Variants in CTBP1 observed in about 807,000 individuals in gnomAD.
The protein encoded by CTBP1 is C-terminal-binding protein 1.
In CTBP1, 11 loss-of-function variants were observed where a neutral mutation model predicts 42.1. The ratio of observed to expected loss-of-function variants is 0.26; its 90% CI spans 0.16 to 0.43. The LOEUF (loss-of-function observed/expected upper bound fraction) is 0.43. CTBP1 is among the 20% of genes least tolerant of loss of function. The pLI is 1.00. For missense variants in CTBP1, 399 were observed against 624.3 expected (o/e 0.64, Z 3.85); for synonymous variants, 324 against 277.1 (o/e 1.17, Z -1.68).
chr4:1,218,098 A>C (rs1213266319), intron 5 of CTBP1: 1 of 152,192 alleles, frequency 6.6e-6, no homozygotes, highest in Non-Finnish European at 1.5e-5. Flanking sequence ...GCAGAGAGAA[A>C]AGAATTTAAA....
Position 1,212,319 on chromosome 4 carries a change from G to GGGGGGC in CTBP1, c.1210_1211insGCCCCC (p.Ala404delinsGlyProPro). 3.9e-6 allele frequency: 3 copies of GGGGGGC among 768,858 alleles called. No individual in the cohort carries two copies. The highest frequency in any genetic ancestry group is 5.9e-6 in the Non-Finnish European group (3 of 505,334). 47.6% of individuals were successfully genotyped at this position (768,858 alleles called of 1,614,324 possible). A position where few individuals can be genotyped will look rare whatever the true frequency, so the allele number is the denominator to read the frequency against. On this transcript the variant is annotated protein_altering_variant, in exon 10 of 10. Coordinates refer to ENST00000382952, the MANE Select transcript of CTBP1 (RefSeq NM_001012614.2). Reference sequence around the variant, plus strand: ...AGGAGAAGGGGCGTGGGGCGGGTGGGCCACAGGGGGCAGGCCGTGGGACAG... The same window carrying GGGGGGC: ...AGGAGAAGGGGCGTGGGGCGGGTGGGGGGGGCCCACAGGGGGCAGGCCGTGGGACAG...
At chr4:1,225,733 G>A (rs1184155259) in intron 4 of CTBP1, among the ~76,000 whole-genome samples, 167 bp from the exon 5 acceptor site, 1 of 152,140 alleles carries the variant, frequency 6.6e-6, no homozygotes, top group African/African-American at 2.4e-5. Context: ...TTGCTCACAG[G>A]TCGGGCGCAA....
chr4:1,233,501 A>T lies in CTBP1; in HGVS notation c.162+4682T>A, dbSNP rs1020640809. 6.6e-6 allele frequency among the ~76,000 whole-genome samples: 1 copy of T among 151,904 alleles called. No homozygotes were observed. The highest frequency in any genetic ancestry group is 2.4e-5 in the African/African-American group (1 of 41,366). On this transcript the variant is annotated intron_variant, in intron 3 of 9. Coordinates refer to ENST00000382952, the MANE Select transcript of CTBP1 (RefSeq NM_001012614.2). The surrounding 1 kb of genome is among the most constrained non-coding windows in gnomAD (Gnocchi z 4.6). The stretch of plus-strand genomic sequence containing the variant: ...CCTGCCGCTCCAGGCCCCGCAGCCC[A>T]CACCGGACGCAGCCTCCAGGCTCCA...
chr4:1,244,771 C>T (rs1432460582), intron 1 of CTBP1: 27 of 985,326 alleles, frequency 2.7e-5, no homozygotes, highest in South Asian at 9.4e-5. Flanking sequence ...GCTGCCCTGC[C>T]GTGAGTCCCC....
At position 1,214,608 on chromosome 4, in the gene CTBP1, C is replaced by G. The variant is rs1210931351; in HGVS notation, c.730-135G>C. The G allele has an allele frequency of 2.5e-6, 3 of 1,183,810 alleles. No homozygotes were observed. In the African/African-American group the frequency reaches 4.9e-5, roughly 19 times the overall value. The allele number at this position is 1,183,810 out of a possible 1,614,324, so 73.3% of individuals were successfully genotyped here. On this transcript the variant is annotated intron_variant, in intron 6 of 9. Coordinates refer to ENST00000382952, the MANE Select transcript of CTBP1 (RefSeq NM_001012614.2). ...CTTCCCAGCCCCACCCTGGGCTCAC[C>G]ACGGCGCTAGGACTGAAGGCCTCGG...
chr4:1,243,218 C>T (rs1028992634), intron 1 of CTBP1: 1 of 985,408 alleles, frequency 1.0e-6, no homozygotes, highest in South Asian at 4.7e-5. Context: ...CTGCTCAATG[C>T]TTATCTATAC....
chr4:1,227,128 T>C (rs1192133728), intron 4 of CTBP1, among the ~76,000 whole-genome samples: 2 of 152,122 alleles, frequency 1.3e-5, no homozygotes, highest in Non-Finnish European at 2.9e-5. Flanking sequence ...TGAGTGTCTG[T>C]ACATGGATGC....
intron 1 of CTBP1, among the ~76,000 whole-genome samples, chr4:1,246,094 G>A (rs1268404273): frequency 6.6e-6 from 1 of 152,202 alleles, no homozygotes; most frequent in Non-Finnish European, 1.5e-5. Context: ...AGGGGCTTCT[G>A]GAAACGATGG....
intron 1 of CTBP1, chr4:1,243,033 G>A (rs889551496): frequency 3.0e-6 from 3 of 985,172 alleles, no homozygotes; most frequent in South Asian, 4.7e-5. Context: ...CATTGATACG[G>A]GCCAATACTC....
At chr4:1,223,451 C>T (rs758939645) in intron 5 of CTBP1, 9 of 456,044 alleles carry the variant, frequency 2.0e-5, no homozygotes, top group South Asian at 1.1e-4. Context: ...CGAGACCACC[C>T]GAAACGTCCG....
intron 1 of CTBP1, among the ~76,000 whole-genome samples, chr4:1,248,322 G>A (rs901106145): frequency 3.3e-5 from 5 of 151,750 alleles, no homozygotes; most frequent in African/African-American, 4.8e-5. Context: ...GCTGCGCTTT[G>A]GGCCCGGTCT....
chr4:1,250,322 C>T (rs1383076059), upstream of CTBP1: 2 of 273,244 alleles, frequency 7.3e-6, no homozygotes, highest in South Asian at 3.7e-5. Flanking sequence ...ATCGGGCTGC[C>T]GAGCTGTGGC....
At chr4:1,226,880 C>T (rs759870095) in intron 4 of CTBP1, among the ~76,000 whole-genome samples, 20 of 151,878 alleles carry the variant, frequency 1.3e-4, no homozygotes, top group Middle Eastern at 6.8e-3. Context: ...GCATGGCTTC[C>T]GACACCACCT....
At position 1,212,312 on chromosome 4, in the gene CTBP1, C is replaced by T. The variant is rs369644553; in HGVS notation, c.1218G>A (p.Pro406=). The T allele has an allele frequency of 4.1e-5, 17 of 419,702 alleles. No homozygotes were observed. In the East Asian group the frequency reaches 5.9e-4, roughly 15 times the overall value. 26.0% of individuals were successfully genotyped at this position (419,702 alleles called of 1,614,324 possible). ...TTTGGCCAGGAGAAGGGGCGTGGGG[C>T]GGGTGGGCCACAGGGGGCAGGCCGT... ...LSHGLPPVAH[P]PHAPSPGQTV... The change falls in exon 10 of 10, where the codon CCG becomes CCA. Residue 406 remains proline (P), a synonymous_variant. Coordinates refer to ENST00000382952, the MANE Select transcript of CTBP1 (RefSeq NM_001012614.2).
chr4:1,243,037 A>AATACTCATTGATACCGGCTG lies in CTBP1; in HGVS notation c.-188-1538_-188-1519dup, dbSNP rs1331310159. ...CTGGCCAAACTCATTGATACGGGCC[A>AATACTCATTGATACCGGCTG]ATACTCATTGATACCGGCTGATACT... On this transcript the variant is annotated intron_variant, in intron 1 of 9. Transcript: ENST00000382952. 6.6e-5 allele frequency: 65 copies of AATACTCATTGATACCGGCTG among 985,414 alleles called. 2 individuals are homozygous for AATACTCATTGATACCGGCTG. In the Admixed American group the frequency reaches 3.9e-3, roughly 59 times the overall value. The allele number at this position is 985,414 out of a possible 1,614,324, so 61.0% of individuals were successfully genotyped here. A position where few individuals can be genotyped will look rare whatever the true frequency, so the allele number is the denominator to read the frequency against.
chr4:1,214,523 G>T (rs369539188), intron 6 of CTBP1, 50 bp from the exon 7 acceptor site: 26 of 1,512,478 alleles, frequency 1.7e-5, no homozygotes, highest in Non-Finnish European at 2.2e-5. Flanking sequence ...CGCACAGGGC[G>T]GGCAGCCAGG....
chr4:1,238,305 G>A lies in CTBP1; in HGVS notation c.40C>T (p.His14Tyr). The change falls in exon 3 of 10, where the codon CAC becomes TAC. Residue 14 changes from histidine (H) to tyrosine (Y), a missense_variant. This residue lies in a region of CTBP1 where 17 missense variants were observed against 18.7 expected (regional missense o/e 0.91). Transcript: ENST00000382952. The surrounding 1 kb of genome is among the most constrained non-coding windows in gnomAD (Gnocchi z 5.9). Reference protein sequence around the residue: ...VRPPIMNGPLHPRPLVALLDG... With the variant: ...VRPPIMNGPLYPRPLVALLDG... ...AGCAATGCCACCAGGGGCCGCGGGT[G>A]CAGGGGCCCGTTCATGATCGGAGGT... The A allele has an allele frequency of 6.3e-7, 1 of 1,590,112 alleles. No individual in the cohort carries two copies. Among genetic ancestry groups the A allele is most frequent in the Non-Finnish European group, 8.6e-7 (1 of 1,164,110 alleles).
At chr4:1,234,344 G>A (rs754470521) in intron 3 of CTBP1, among the ~76,000 whole-genome samples, 2 of 152,248 alleles carry the variant, frequency 1.3e-5, no homozygotes, top group East Asian at 1.9e-4. Flanking sequence ...TTTCTGTGGC[G>A]CCGGCTCTGC....
chr4:1,211,975 C>A lies in CTBP1; in HGVS notation c.*265G>T. 2 of 317,348 alleles carry A rather than the reference C, an allele frequency of 6.3e-6. No homozygotes were observed. Among genetic ancestry groups the A allele is most frequent in the Non-Finnish European group, 1.1e-5 (2 of 175,102 alleles). The allele number at this position is 317,348 out of a possible 1,614,324, so 19.7% of individuals were successfully genotyped here. On this transcript the variant is annotated 3_prime_UTR_variant, in exon 10 of 10. Coordinates refer to ENST00000382952, the MANE Select transcript of CTBP1 (RefSeq NM_001012614.2). The stretch of plus-strand genomic sequence containing the variant: ...CAGATCCTTTGTAATGTTCTAAAAA[C>A]TGTACACAGACAAGAACGTTCATGG...
Sources: gnomAD v4.1 joint callset for allele counts (sites outside exome capture counted in the v4.1 genomes callset) on GRCh38, gnomAD v4.1.1 for gene constraint, gnomAD v4.1.1 regional missense constraint, Gnocchi (gnomAD v3.1) non-coding constraint, MANE v1.5 for transcripts, NCBI Gene and HGNC (gene_info 2026-07-23, HGNC 2026-07-21) for gene names.